Variants in SNRK observed in about 807,000 individuals in gnomAD.
SNRK encodes the protein SNF related kinase.
SNRK carries 3 observed loss-of-function variants against 48.2 expected under a neutral mutation model. That is an observed-to-expected ratio of 0.06 (90% CI 0.03 to 0.16). The LOEUF is 0.16. Among genes scored for constraint, SNRK ranks in the 10% least tolerant of loss-of-function variants. The probability of loss-of-function intolerance (pLI) is 1.00; values close to 1 mark genes in which losing one functional copy is unlikely to be tolerated. For synonymous variants in SNRK, 376 were observed against 366.1 expected (o/e 1.03, Z -0.31); for missense variants, 627 against 976.0 (o/e 0.64, Z 4.76).
Position 43,343,341 on chromosome 3 carries a change from C to T in SNRK, c.945-3C>T, listed in dbSNP as rs2091251608. On this transcript the variant is annotated splice_region_variant and splice_polypyrimidine_tract_variant and intron_variant, in intron 5 of 6. Transcript: ENST00000296088. ...ACGTTTGCTCTCACCTTGTTTTCCT[C>T]AGAGCCCTGGAAACCAACAGGTATA... The T allele has an allele frequency of 6.2e-7, 1 of 1,603,964 alleles. No homozygotes were observed. The highest frequency in any genetic ancestry group is 8.5e-7 in the Non-Finnish European group (1 of 1,176,970).
chr3:43,311,115 C>A (rs185741942), intron 3 of SNRK, among the ~76,000 whole-genome samples: 1 of 152,274 alleles, frequency 6.6e-6, no homozygotes, highest in African/African-American at 2.4e-5. Context: ...CTCTTGGACA[C>A]CATCCCTCTC....
intron 4 of SNRK, 144 bp from the exon 5 acceptor site, chr3:43,340,143 A>T (rs532391523): frequency 5.0e-4 from 338 of 679,638 alleles, no homozygotes; most frequent in Non-Finnish European, 8.0e-4. Flanking sequence ...CTAAATTTTT[A>T]TTATTCCCAT....
chr3:43,307,830 A>G (rs138508330), intron 3 of SNRK, among the ~76,000 whole-genome samples: 11 of 152,292 alleles, frequency 7.2e-5, no homozygotes, highest in Non-Finnish European at 8.8e-5. Flanking sequence ...CTTTAAGTCA[A>G]ATGCTGGAAA....
At chr3:43,289,698 T>C (rs2090795066) in intron 1 of SNRK, 1 of 152,712 alleles carries the variant, frequency 6.5e-6, no homozygotes, top group African/African-American at 2.4e-5. Context: ...GGATTCCTGC[T>C]TTGCCCTCCC....
At chr3:43,318,672 C>T (rs1336678353) in intron 3 of SNRK, among the ~76,000 whole-genome samples, 3 of 151,694 alleles carry the variant, frequency 2.0e-5, no homozygotes, top group Non-Finnish European at 2.9e-5. Context: ...TTGTGTTATT[C>T]GCATTGCATG....
chr3:43,327,621 A>C (rs949169993), intron 3 of SNRK, among the ~76,000 whole-genome samples: 2 of 152,204 alleles, frequency 1.3e-5, no homozygotes, highest in Non-Finnish European at 2.9e-5. Flanking sequence ...AATTCAGTTT[A>C]GAAATGACTT....
chr3:43,335,870 C>T (rs762303363), intron 4 of SNRK, among the ~76,000 whole-genome samples: 1 of 152,212 alleles, frequency 6.6e-6, no homozygotes, highest in Non-Finnish European at 1.5e-5. Flanking sequence ...ATTTCAGCCA[C>T]ACCAGTCTTC....
At chr3:43,339,865 A>ATATG (rs2091221442) in intron 4 of SNRK, among the ~76,000 whole-genome samples, 1 of 94,432 alleles carries the variant, frequency 1.1e-5, no homozygotes, top group Non-Finnish European at 2.1e-5. Context: ...ATATATATAT[A>ATATG]TATATATATG....
At chr3:43,341,210 G>T (rs112163442) in intron 5 of SNRK, among the ~76,000 whole-genome samples, 2 of 152,024 alleles carry the variant, frequency 1.3e-5, no homozygotes, top group African/African-American at 4.8e-5. Context: ...GAGTGCAGTG[G>T]CACAATCTTG....
chr3:43,289,924 G>C (rs1160570672), intron 1 of SNRK: 1 of 152,628 alleles, frequency 6.6e-6, no homozygotes, highest in Non-Finnish European at 1.5e-5. Flanking sequence ...CATGTTTTAA[G>C]TTTTGGAGTA....
rs918971132 is a variant in SNRK, at chr3:43,324,271, A to C, written c.590-7898A>C. 3.3e-5 allele frequency among the ~76,000 whole-genome samples: 5 copies of C among 152,174 alleles called. No individual in the cohort carries two copies. The East Asian group carries it at 9.6e-4, about 29-fold the overall frequency. On this transcript the variant is annotated intron_variant, in intron 3 of 6. Transcript: ENST00000296088. ...ACGCCTGTAATCCGAGCACTTTGGG[A>C]GGCCAAGGCGGGTGGATCACAAGGT...
intron 4 of SNRK, among the ~76,000 whole-genome samples, chr3:43,337,319 C>G (rs1039262182): frequency 2.0e-5 from 3 of 152,094 alleles, no homozygotes; most frequent in African/African-American, 7.2e-5. Context: ...GGCAGTCCAC[C>G]CGCCTCAGCC....
chr3:43,295,797 G>A (rs1475342206), intron 1 of SNRK, among the ~76,000 whole-genome samples: 4 of 152,098 alleles, frequency 2.6e-5, no homozygotes, highest in Non-Finnish European at 5.9e-5. Flanking sequence ...GGAGTGCAGT[G>A]GCGTGATCTC....
At chr3:43,301,440 A>G (rs2090896978) in intron 2 of SNRK, among the ~76,000 whole-genome samples, 1 of 152,138 alleles carries the variant, frequency 6.6e-6, no homozygotes, top group Non-Finnish European at 1.5e-5. Context: ...TTGTACCTAG[A>G]GCAGCCTATT....
chr3:43,332,218 G>A lies in SNRK; in HGVS notation c.639G>A (p.Pro213=), dbSNP rs1419619092. Reference sequence around the variant, plus strand: ...TTTTCATGTTGGTGTGTGGGCAGCCGCCCTTTCAAGAAGCCAATGACAGTG... The same window carrying A: ...TTTTCATGTTGGTGTGTGGGCAGCCACCCTTTCAAGAAGCCAATGACAGTG... ...VILFMLVCGQ[P]PFQEANDSET... Residue 213 remains proline, a synonymous_variant, in exon 4 of 7, where the codon CCG becomes CCA. Transcript: ENST00000296088. 5.0e-6 allele frequency: 8 copies of A among 1,600,348 alleles called. No individual in the cohort carries two copies. Among genetic ancestry groups the A allele is most frequent in the East Asian group, 2.3e-5 (1 of 44,380 alleles).
intron 3 of SNRK, among the ~76,000 whole-genome samples, chr3:43,322,534 C>T (rs1341922388): frequency 6.6e-6 from 1 of 152,108 alleles, no homozygotes; most frequent in Non-Finnish European, 1.5e-5. Context: ...ACAAACTCCC[C>T]TATAGACAAA....
At chr3:43,296,440 A>ATATATG (rs2090856427) in intron 1 of SNRK, among the ~76,000 whole-genome samples, 1 of 138,038 alleles carries the variant, frequency 7.2e-6, no homozygotes, top group Non-Finnish European at 1.6e-5. Flanking sequence ...ATATGTATAT[A>ATATATG]TATATATTTA....
chr3:43,350,943 T>A lies in SNRK; in HGVS notation c.*2386T>A, dbSNP rs1004923278. On this transcript the variant is annotated 3_prime_UTR_variant, in exon 7 of 7. Coordinates refer to ENST00000296088, the MANE Select transcript of SNRK (RefSeq NM_017719.5). The stretch of plus-strand genomic sequence containing the variant: ...ACAATCTTGACACCAATTTTAAGAA[T>A]AGCTGTGAGACCGAATTAAAGATAA... The A allele has an allele frequency of 1.3e-5, 2 of 152,672 alleles. No individual in the cohort carries two copies. Among genetic ancestry groups the A allele is most frequent in the Non-Finnish European group, 2.9e-5 (2 of 68,040 alleles). 9.5% of individuals were successfully genotyped at this position (152,672 alleles called of 1,614,324 possible).
chr3:43,344,851 G>A (rs1170308800), intron 6 of SNRK, among the ~76,000 whole-genome samples: 1 of 152,032 alleles, frequency 6.6e-6, no homozygotes, highest in Non-Finnish European at 1.5e-5. Context: ...CTCGCCAGGT[G>A]CACCGAGACT....
Sources: allele counts gnomAD v4.1 joint callset (sites outside exome capture counted in the v4.1 genomes callset), GRCh38; gene constraint gnomAD v4.1.1; transcripts MANE v1.5; gene names NCBI Gene and HGNC (gene_info 2026-07-23, HGNC 2026-07-21).